The following KAT6B variants were observed in gnomAD, a reference collection of about 807,000 sequenced individuals.
KAT6B encodes the protein histone acetyltransferase KAT6B.
Under a neutral mutation model 187.5 loss-of-function variants are expected in KAT6B, and 10 were observed. That is an observed-to-expected ratio of 0.05 (90% CI 0.03 to 0.09). The LOEUF is 0.09. Among genes scored for constraint, KAT6B ranks in the 10% least tolerant of loss-of-function variants. The probability of loss-of-function intolerance (pLI) is 1.00; values close to 1 mark genes in which losing one functional copy is unlikely to be tolerated. For synonymous variants in KAT6B, 861 were observed against 926.8 expected (o/e 0.93, Z 1.29); for missense variants, 1,952 against 2,558.9 (o/e 0.76, Z 5.12).
chr10:74,826,211 C>T (rs1840203893), upstream of KAT6B, among the ~76,000 whole-genome samples: 1 of 151,740 alleles, frequency 6.6e-6, no homozygotes, highest in Non-Finnish European at 1.5e-5. Flanking sequence ...CTACGCTCCT[C>T]TGCTGCGAGT....
In KAT6B at chr10:75,030,960, A is replaced by G. The variant is rs779267943; in HGVS notation, c.6136A>G (p.Met2046Val). Residue 2046 changes from methionine (M) to valine (V), a missense_variant, in exon 18 of 18, where the codon ATG (methionine) becomes GTG (valine). Met to Val is a conservative substitution (Grantham distance 21). This residue lies in a region of KAT6B where 358 missense variants were observed against 436.3 expected (regional missense o/e 0.82). Transcript: ENST00000287239. The surrounding 1 kb of genome is among the most constrained non-coding windows in gnomAD (Gnocchi z 4.8). Reference protein sequence around the residue: ...QPMQTPPHGNMMYTAPGHHGY... With the variant: ...QPMQTPPHGNVMYTAPGHHGY... ...AATGCAGACCCCACCCCACGGTAAC[A>G]TGATGTACACGGCCCCCGGACATCA... 3 of 1,614,186 alleles carry G rather than the reference A, an allele frequency of 1.9e-6. No individual in the cohort carries two copies. Among genetic ancestry groups the G allele is most frequent in the South Asian group, 1.1e-5 (1 of 91,086 alleles).
intron 3 of KAT6B, among the ~76,000 whole-genome samples, chr10:74,855,592 A>G (rs1168474507): frequency 6.6e-6 from 1 of 152,230 alleles, no homozygotes; most frequent in Non-Finnish European, 1.5e-5. Context: ...AGCAGAAAAC[A>G]GGATCTGCTA....
rs773213352 is a variant in KAT6B, at chr10:74,933,115, A to C, written c.622-26855A>C. On this transcript the variant is annotated intron_variant, in intron 3 of 17. Transcript: ENST00000287239. ...GAGTGGAGAGAGCCAGATTCCCCACAACCCCCTAGGTTGCTGCATGTCCTT... is the reference window on the plus strand; with the variant it reads ...GAGTGGAGAGAGCCAGATTCCCCACCACCCCCTAGGTTGCTGCATGTCCTT... Among the ~76,000 whole-genome samples, 23 of 152,222 alleles carry C rather than the reference A, an allele frequency of 1.5e-4. 1 individual carries two copies. Among genetic ancestry groups the C allele is most frequent in the Middle Eastern group, 3.4e-3 (1 of 294 alleles).
rs1405200957 is a variant in KAT6B at position 74,839,102 on chromosome 10, G to A, written c.-259+350G>A. On this transcript the variant is annotated intron_variant, in intron 2 of 17. Transcript: ENST00000287239. ...TGGGCGGTGGAGATTGCAGTGAGCC[G>A]AGATCATGCCATTGCACTCCAGCCT... 2.6e-5 allele frequency among the ~76,000 whole-genome samples: 4 copies of A among 151,142 alleles called. No individual in the cohort carries two copies. The East Asian group carries it at 5.9e-4, about 22-fold the overall frequency.
intron 3 of KAT6B, among the ~76,000 whole-genome samples, chr10:74,854,264 G>C (rs1300627108): frequency 5.3e-5 from 8 of 152,204 alleles, no homozygotes; most frequent in Admixed American, 4.6e-4. Context: ...TTATCTCTCT[G>C]TCTTCAGGTG....
intron 3 of KAT6B, among the ~76,000 whole-genome samples, chr10:74,904,054 A>G (rs752801058): frequency 1.3e-5 from 2 of 152,186 alleles, no homozygotes; most frequent in African/African-American, 4.8e-5. Flanking sequence ...CATCCAAACC[A>G]TGAGTTAGAT....
At chr10:74,930,580 A>C (rs930840375) in intron 3 of KAT6B, among the ~76,000 whole-genome samples, 5 of 152,148 alleles carry the variant, frequency 3.3e-5, no homozygotes, top group African/African-American at 4.8e-5. Flanking sequence ...TAGTTCTTTT[A>C]TTTGATGTGA....
intron 3 of KAT6B, among the ~76,000 whole-genome samples, chr10:74,904,214 C>T (rs528599322): frequency 6.6e-6 from 1 of 152,308 alleles, no homozygotes; most frequent in Non-Finnish European, 1.5e-5. Flanking sequence ...CACAAGTTAG[C>T]AGCTTAAAAC....
chr10:74,848,062 G>A (rs1807198958), intron 3 of KAT6B, among the ~76,000 whole-genome samples: 1 of 151,832 alleles, frequency 6.6e-6, no homozygotes, highest in African/African-American at 2.4e-5. Context: ...GGGATTACAG[G>A]CGTGCGCCAC....
intron 6 of KAT6B, among the ~76,000 whole-genome samples, chr10:74,971,885 T>C (rs1361905238): frequency 6.6e-6 from 1 of 152,142 alleles, no homozygotes; most frequent in Non-Finnish European, 1.5e-5. Flanking sequence ...TCATGCTTAT[T>C]GAATCATTTC....
chr10:75,020,792 T>C lies in KAT6B; in HGVS notation c.2840T>C (p.Met947Thr). Residue 947 changes from methionine (M) to threonine (T), a missense_variant, in exon 14 of 18, where the codon ATG (methionine) becomes ACG (threonine). Coordinates refer to ENST00000287239, the MANE Select transcript of KAT6B (RefSeq NM_012330.4). ...DIATTLQHLH[M>T]IDKRDGRFVI... ...GCCACCACTCTGCAGCACCTCCACA[T>C]GATCGACAAGAGAGATGGCAGGTGA... 1 of 1,614,088 alleles carries C rather than the reference T, an allele frequency of 6.2e-7. No homozygotes were observed. The highest frequency in any genetic ancestry group is 8.5e-7 in the Non-Finnish European group (1 of 1,180,016).
At chr10:74,882,026 A>G (rs1844889457) in intron 3 of KAT6B, among the ~76,000 whole-genome samples, 1 of 152,212 alleles carries the variant, frequency 6.6e-6, no homozygotes, top group Admixed American at 6.5e-5. Context: ...GGTGGGTGCC[A>G]TGGGATGGGG....
rs546135971 is a variant in KAT6B, at chr10:75,028,916, G to C, written c.4092G>C (p.Glu1364Asp). The change falls in exon 18 of 18, where the codon GAG becomes GAC. Residue 1364 changes from glutamate to aspartate, a missense_variant. Physicochemically the swap from Glu to Asp is conservative, Grantham distance 45 (BLOSUM62 2). Around this residue, in one of 9 missense-constraint regions of KAT6B, gnomAD observed 758 missense variants for 891.4 expected, o/e 0.85. Coordinates refer to ENST00000287239, the MANE Select transcript of KAT6B (RefSeq NM_012330.4). Reference sequence around the variant, plus strand: ...AGGAGGAGGAGGAAGAGGAAGAAGAGGAAGAAGAGGAAGGGGAAGAAGAAG... The same window carrying C: ...AGGAGGAGGAGGAAGAGGAAGAAGACGAAGAAGAGGAAGGGGAAGAAGAAG... Reference protein sequence around the residue: ...EEEEEEEEEEEEEEEGEEEEG... With the variant: ...EEEEEEEEEEDEEEEGEEEEG... 4 of 1,611,314 alleles carry C rather than the reference G, an allele frequency of 2.5e-6. No homozygotes were observed. In the East Asian group the frequency reaches 8.9e-5, roughly 36 times the overall value.
At chr10:74,940,667 A>G (rs984504240) in intron 3 of KAT6B, among the ~76,000 whole-genome samples, 1 of 151,844 alleles carries the variant, frequency 6.6e-6, no homozygotes, top group Non-Finnish European at 1.5e-5. Flanking sequence ...TGTAACTTCA[A>G]AATTCTGGGC....
chr10:74,984,807 C>G (rs1048846179), intron 11 of KAT6B: 1 of 437,158 alleles, frequency 2.3e-6, no homozygotes, highest in Non-Finnish European at 4.2e-6. Context: ...AAAAATTACT[C>G]CTTTACTAGT....
At chr10:74,853,948 T>A (rs1382911901) in intron 3 of KAT6B, among the ~76,000 whole-genome samples, 1 of 152,148 alleles carries the variant, frequency 6.6e-6, no homozygotes. Flanking sequence ...ATCATGACAG[T>A]AGCAATGTGT....
At chr10:74,967,629 A>G (rs538908845) in intron 4 of KAT6B, among the ~76,000 whole-genome samples, 1 of 152,328 alleles carries the variant, frequency 6.6e-6, no homozygotes, top group South Asian at 2.1e-4. Context: ...ATTGCTGCCT[A>G]AAGGAAAGAT....
At chr10:74,957,340 A>C (rs577572205) in intron 3 of KAT6B, among the ~76,000 whole-genome samples, 1 of 152,350 alleles carries the variant, frequency 6.6e-6, no homozygotes, top group South Asian at 2.1e-4. Flanking sequence ...GTTATCCTTA[A>C]AATAAATGGT....
intron 3 of KAT6B, among the ~76,000 whole-genome samples, chr10:74,927,574 A>G (rs972057035): frequency 6.6e-6 from 1 of 151,160 alleles, no homozygotes; most frequent in African/African-American, 2.4e-5. Context: ...GTGAAGGGCT[A>G]GGTTATTGAT....
Sources: allele counts gnomAD v4.1 joint callset (sites outside exome capture counted in the v4.1 genomes callset), GRCh38; gene constraint gnomAD v4.1.1; regional missense constraint gnomAD v4.1.1; non-coding constraint Gnocchi (gnomAD v3.1); transcripts MANE v1.5; gene names NCBI Gene and HGNC (gene_info 2026-07-23, HGNC 2026-07-21).